The following ZNF487 variants were observed in gnomAD, a reference collection of about 807,000 sequenced individuals.
ZNF487 encodes KRAB domain only 1.
In ZNF487, 4 loss-of-function variants were observed where a neutral mutation model predicts 3.0. That is an observed-to-expected ratio of 1.35 (90% confidence interval 0.66 to 3.08). The LOEUF (loss-of-function observed/expected upper bound fraction) is 3.08, where lower values mean the gene tolerates loss of function less well. Among genes scored for constraint, ZNF487 ranks in the 30% most tolerant of loss-of-function variants. ZNF487 has a pLI of 0.01. For missense variants in ZNF487, 146 were observed against 98.7 expected, an observed-to-expected ratio of 1.48 and a Z score of -2.03; for synonymous variants, 55 against 34.6, an observed-to-expected ratio of 1.59 and a Z score of -2.06.
the ZNF487 span, among the ~76,000 whole-genome samples, chr10:43,514,780 T>C: frequency 2.0e-5 from 3 of 152,190 alleles, no homozygotes; most frequent in African/African-American, 7.2e-5. Context: ...GAAGAGCAAT[T>C]AGAGGGCTCT....
chr10:43,519,263 T>C, the ZNF487 span, among the ~76,000 whole-genome samples: 3 of 152,046 alleles, frequency 2.0e-5, no homozygotes, highest in Non-Finnish European at 2.9e-5. Flanking sequence ...TTATAAAGTG[T>C]CTTCAAAATA....
chr10:43,456,858 G>T (rs527789146), intron 1 of ZNF487, among the ~76,000 whole-genome samples: 6 of 152,214 alleles, frequency 3.9e-5, no homozygotes, highest in Non-Finnish European at 7.3e-5. Context: ...TGGGATTACA[G>T]GCGTGAGCCA....
intron 1 of ZNF487, among the ~76,000 whole-genome samples, chr10:43,445,637 CTT>C (rs372625933): frequency 1.3e-4 from 17 of 134,950 alleles, no homozygotes; most frequent in Admixed American, 3.0e-4. Context: ...ATGACATTTT[CTT>C]TTTTTTTTTT....
chr10:43,494,100 C>T, the ZNF487 span, among the ~76,000 whole-genome samples: 156 of 151,434 alleles, frequency 1.0e-3, 1 homozygote, highest in Admixed American at 2.0e-3. Flanking sequence ...TGAAATGCAG[C>T]GAAGTTATAA....
rs200209687 is a variant in ZNF487 at position 43,443,675 on chromosome 10, G to GT, written c.-94+6421dup. On this transcript the variant is annotated intron_variant, in intron 1 of 3. Coordinates refer to ENST00000437590, the MANE Select transcript of ZNF487 (RefSeq NM_001355444.3). ...AGGAGTGAGCCACCATGCCCGGCCC[G>GT]TTTTTTTTGTTTTAATCAATTTTTT... Among the ~76,000 whole-genome samples, 1,190 of 149,608 alleles carry GT rather than the reference G, an allele frequency of 8.0e-3. 15 individuals are homozygous for GT. Among genetic ancestry groups the GT allele is most frequent in the African/African-American group, 0.028 (1,133 of 40,642 alleles).
chr10:43,448,631 G>A (rs1313345254), intron 1 of ZNF487, among the ~76,000 whole-genome samples: 1 of 151,680 alleles, frequency 6.6e-6, no homozygotes, highest in African/African-American at 2.4e-5. Flanking sequence ...ACCTGGCCAA[G>A]ATGGCGAAAC....
chr10:43,472,988 G>C (rs1840957267), intron 1 of ZNF487, among the ~76,000 whole-genome samples: 1 of 145,052 alleles, frequency 6.9e-6, no homozygotes, highest in Non-Finnish European at 1.5e-5. Flanking sequence ...AGAGGTTGCA[G>C]TGAGCCATGT....
chr10:43,499,356 T>C, the ZNF487 span, among the ~76,000 whole-genome samples: 18 of 152,252 alleles, frequency 1.2e-4, no homozygotes, highest in East Asian at 2.5e-3. Flanking sequence ...GAAGTGAAAA[T>C]TGACTAAATT....
intron 1 of ZNF487, among the ~76,000 whole-genome samples, chr10:43,442,179 A>T (rs949071773): frequency 6.6e-6 from 1 of 152,000 alleles, no homozygotes. Context: ...ATAGTGAGCT[A>T]TAGTAACACC....
At chr10:43,460,425 G>T (rs2132088888) in intron 1 of ZNF487, among the ~76,000 whole-genome samples, 1 of 145,668 alleles carries the variant, frequency 6.9e-6, no homozygotes, top group Admixed American at 6.9e-5. Flanking sequence ...GCCCAGGCTG[G>T]AGTGCAGTGG....
At chr10:43,501,490 A>G in the ZNF487 span, among the ~76,000 whole-genome samples, 1 of 152,178 alleles carries the variant, frequency 6.6e-6, no homozygotes, top group African/African-American at 2.4e-5. Context: ...CTGTAATCCT[A>G]GTACTTTGGG....
chr10:43,494,858 A>C, the ZNF487 span, among the ~76,000 whole-genome samples: 1 of 147,674 alleles, frequency 6.8e-6, no homozygotes, highest in African/African-American at 2.5e-5. Context: ...AATCACTTGG[A>C]CCTGGGAGGC....
chr10:43,474,152 C>T (rs962439936), intron 1 of ZNF487, among the ~76,000 whole-genome samples: 1 of 122,166 alleles, frequency 8.2e-6, no homozygotes, highest in Non-Finnish European at 1.9e-5. Context: ...CAGAACAAGA[C>T]CGTGTTTCAA....
At chr10:43,466,230 G>T (rs1241534010) in intron 1 of ZNF487, among the ~76,000 whole-genome samples, 1 of 151,006 alleles carries the variant, frequency 6.6e-6, no homozygotes, top group Non-Finnish European at 1.5e-5. Context: ...TTTTAGTAGA[G>T]ACAGGGTTTC....
At chr10:43,438,040 G>T (rs148241203) in intron 1 of ZNF487, among the ~76,000 whole-genome samples, 1 of 151,970 alleles carries the variant, frequency 6.6e-6, no homozygotes, top group African/African-American at 2.4e-5. Context: ...CTTTTCTGCT[G>T]TGTGTGTAAT....
At chr10:43,455,155 C>T (rs922080594) in intron 1 of ZNF487, among the ~76,000 whole-genome samples, 7 of 151,784 alleles carry the variant, frequency 4.6e-5, no homozygotes, top group African/African-American at 7.3e-5. Flanking sequence ...ACTATAGGCG[C>T]CCGCCACCAC....
chr10:43,478,956 G>T (rs2132145862), intron 3 of ZNF487, among the ~76,000 whole-genome samples: 1 of 148,372 alleles, frequency 6.7e-6, no homozygotes, highest in East Asian at 2.0e-4. Context: ...TTCCAGGCTG[G>T]AGTGCAGTAG....
chr10:43,487,212 T>G (rs1184522595), downstream of ZNF487, among the ~76,000 whole-genome samples: 2 of 149,286 alleles, frequency 1.3e-5, no homozygotes, highest in African/African-American at 4.9e-5. Flanking sequence ...CGATCTCAGC[T>G]CACTGCAACC....
chr10:43,466,497 G>A (rs1840711898), intron 1 of ZNF487, among the ~76,000 whole-genome samples: 2 of 151,048 alleles, frequency 1.3e-5, no homozygotes, highest in Admixed American at 6.6e-5. Flanking sequence ...CCGCCTCCTG[G>A]GTTCAATTGA....
Sources: allele counts gnomAD v4.1 joint callset (sites outside exome capture counted in the v4.1 genomes callset), GRCh38; gene constraint gnomAD v4.1.1; transcripts MANE v1.5; gene names NCBI Gene and HGNC (gene_info 2026-07-23, HGNC 2026-07-21).